TTC39A: variants seen among roughly 807,000 people sequenced by gnomAD.
The protein encoded by TTC39A is tetratricopeptide repeat domain 39A.
Under a neutral mutation model 82.3 loss-of-function variants are expected in TTC39A, and 46 were observed. The ratio of observed to expected loss-of-function variants is 0.56; its 90% CI spans 0.44 to 0.71. The LOEUF is 0.71. Ranked by LOEUF, TTC39A falls within the 30% of genes least tolerant of loss-of-function variation. The probability of loss-of-function intolerance (pLI) is 0.00; values close to 1 mark genes in which losing one functional copy is unlikely to be tolerated. For synonymous variants in TTC39A, 254 were observed against 275.2 expected (o/e 0.92, Z 0.76); for missense variants, 543 against 712.9 (o/e 0.76, Z 2.71).
upstream of TTC39A, chr1:51,330,607 G>A: frequency 1.0e-6 from 1 of 983,162 alleles, no homozygotes; most frequent in Non-Finnish European, 1.2e-6. This position sits in a 1 kb window ranked among gnomAD's most constrained non-coding sequence, Gnocchi z 4.5. Flanking sequence ...CCGGGGGCGG[G>A]GAAGGCGGCG....
chr1:51,317,108 G>A (rs973360155), intron 2 of TTC39A, among the ~76,000 whole-genome samples: 5 of 152,222 alleles, frequency 3.3e-5, no homozygotes, highest in East Asian at 1.9e-4. Flanking sequence ...GAGGCAAGGC[G>A]GGGAAGGGAG....
chr1:51,317,244 C>T (rs1645318958), intron 2 of TTC39A, among the ~76,000 whole-genome samples: 1 of 152,250 alleles, frequency 6.6e-6, no homozygotes, highest in Admixed American at 6.5e-5. Context: ...GGCCCAACAT[C>T]TTCTGAAGCT....
rs1022256594 is a variant in TTC39A, at chr1:51,295,999, A to G, written c.1145+80T>C. The stretch of plus-strand genomic sequence containing the variant: ...CCTCCCTCCCCAGTGCCCACAGCTC[A>G]GGGTGGCCTGGCTGGTCTGTCCATA... On this transcript the variant is annotated intron_variant, in intron 13 of 17. Coordinates refer to ENST00000680483, the MANE Select transcript of TTC39A (RefSeq NM_001297663.2). The G allele has an allele frequency of 2.0e-6, 3 of 1,479,074 alleles. No individual in the cohort carries two copies. In the Admixed American group the frequency reaches 5.9e-5, roughly 29 times the overall value. 91.6% of individuals were successfully genotyped at this position (1,479,074 alleles called of 1,614,324 possible).
chr1:51,332,445 G>C (rs1645925456), upstream of TTC39A, among the ~76,000 whole-genome samples: 3 of 152,206 alleles, frequency 2.0e-5, no homozygotes, highest in South Asian at 6.2e-4. Context: ...ATTTTTAGTA[G>C]AGACAGGGTT....
chr1:51,338,471 A>C (rs1282479811), intron 1 of TTC39A, among the ~76,000 whole-genome samples: 2 of 152,030 alleles, frequency 1.3e-5, no homozygotes, highest in African/African-American at 4.8e-5. Context: ...TTCTAGAGGC[A>C]GCAGGCAAGT....
At chr1:51,307,144 G>A (rs767192050) in intron 6 of TTC39A, among the ~76,000 whole-genome samples, 3 of 152,190 alleles carry the variant, frequency 2.0e-5, no homozygotes, top group Admixed American at 1.3e-4. Context: ...GGGCCAGGGT[G>A]ACCTCCCAGG....
At chr1:51,301,788 G>A in intron 11 of TTC39A, 55 bp from the exon 12 acceptor site, 3 of 1,571,448 alleles carry the variant, frequency 1.9e-6, no homozygotes, top group Non-Finnish European at 2.6e-6. Flanking sequence ...CAACCCCTCT[G>A]CATCCTCCGA....
chr1:51,310,669 C>A (rs72906155), intron 5 of TTC39A, among the ~76,000 whole-genome samples: 2,077 of 152,254 alleles, frequency 0.014, 38 homozygotes, highest in African/African-American at 0.039. Context: ...TCATTCCCAC[C>A]GTGTGGTGAG....
intron 1 of TTC39A, chr1:51,342,957 A>C (rs943385676): frequency 2.3e-6 from 1 of 433,282 alleles, no homozygotes; most frequent in East Asian, 7.3e-5. Context: ...CCACCACGCC[A>C]GCCTCCCCTC....
intron 14 of TTC39A, among the ~76,000 whole-genome samples, chr1:51,293,059 T>C (rs1644281266): frequency 6.6e-6 from 1 of 151,586 alleles, no homozygotes; most frequent in African/African-American, 2.4e-5. Context: ...AGTAATAGCT[T>C]TACTGTATTT....
chr1:51,317,327 T>C (rs1403152545), intron 2 of TTC39A, among the ~76,000 whole-genome samples: 2 of 152,230 alleles, frequency 1.3e-5, no homozygotes, highest in Non-Finnish European at 2.9e-5. Context: ...TGGTTCTCAA[T>C]GGAAGTGCCA....
At chr1:51,323,901 T>C (rs1645617584) in intron 1 of TTC39A, among the ~76,000 whole-genome samples, 1 of 152,202 alleles carries the variant, frequency 6.6e-6, no homozygotes, top group Non-Finnish European at 1.5e-5. Flanking sequence ...TGGTGCCTGC[T>C]GCTCACAGTG....
intron 2 of TTC39A, among the ~76,000 whole-genome samples, chr1:51,314,308 G>A (rs536199764): frequency 1.3e-5 from 2 of 152,278 alleles, no homozygotes; most frequent in East Asian, 1.9e-4. Context: ...AAATGGGGAC[G>A]ATAATGCCAG....
chr1:51,335,024 C>T (rs2148318395), upstream of TTC39A: 1 of 152,442 alleles, frequency 6.6e-6, no homozygotes, highest in East Asian at 1.9e-4. Flanking sequence ...GTGTCCCCAC[C>T]TTGAGGTGAC....
chr1:51,309,383 G>A, intron 5 of TTC39A, 58 bp from the exon 6 acceptor site: 1 of 1,611,712 alleles, frequency 6.2e-7, no homozygotes, highest in Non-Finnish European at 8.5e-7. Flanking sequence ...AGGCGTGAGA[G>A]GGATCATGCA....
chr1:51,308,492 G>A (rs1249156479), intron 6 of TTC39A, among the ~76,000 whole-genome samples: 2 of 152,066 alleles, frequency 1.3e-5, no homozygotes, highest in Non-Finnish European at 1.5e-5. Flanking sequence ...CACCTGCCTC[G>A]GCCTCCCAAA....
At position 51,294,163 on chromosome 1, in the gene TTC39A, C is replaced by T. The variant is rs1239662150; in HGVS notation, c.1266+228G>A. Among the ~76,000 whole-genome samples the T allele has an allele frequency of 6.6e-6, 1 of 152,168 alleles. No individual in the cohort carries two copies. Among genetic ancestry groups the T allele is most frequent in the Non-Finnish European group, 1.5e-5 (1 of 68,016 alleles). ...GGGCTCTCTGTCCAGGAGGGTGTCC[C>T]TCTCTGCCTTTTATCTGCAGCCTGC... On this transcript the variant is annotated intron_variant, in intron 14 of 17. Transcript: ENST00000680483. The surrounding 1 kb of genome is among the most constrained non-coding windows in gnomAD (Gnocchi z 4.3).
At chr1:51,290,961 G>A (rs1271787837) in intron 14 of TTC39A, among the ~76,000 whole-genome samples, 1 of 152,108 alleles carries the variant, frequency 6.6e-6, no homozygotes, top group Non-Finnish European at 1.5e-5. Context: ...CAACCTCTCT[G>A]GGGCCAAACA....
Position 51,345,005 on chromosome 1 carries a change from C to T in TTC39A, c.39G>A (p.Gly13=), listed in dbSNP as rs1646080418. The T allele has an allele frequency of 1.3e-6, 2 of 1,521,910 alleles. 1 individual carries two copies. The highest frequency in any genetic ancestry group is 2.5e-5 in the South Asian group (2 of 81,472). The allele number at this position is 1,521,910 out of a possible 1,614,324, so 94.3% of individuals were successfully genotyped here. Reference sequence around the variant, plus strand: ...CTGCCCGGTACCTGCGGTCGCTTTTCCCGGAGGCCGCCTCCTTCCAGGTGG... The same window carrying T: ...CTGCCCGGTACCTGCGGTCGCTTTTTCCGGAGGCCGCCTCCTTCCAGGTGG... Residue 13 remains glycine, a synonymous_variant, in exon 1 of 6, where the codon GGG becomes GGA. Transcript: ENST00000401051.
Sources: allele counts gnomAD v4.1 joint callset (sites outside exome capture counted in the v4.1 genomes callset), GRCh38; gene constraint gnomAD v4.1.1; non-coding constraint Gnocchi (gnomAD v3.1); transcripts MANE v1.5; gene names NCBI Gene and HGNC (gene_info 2026-07-23, HGNC 2026-07-21).